The following SH2D4B variants were observed in gnomAD, a reference collection of about 807,000 sequenced individuals.
SH2D4B encodes SH2 domain containing 4B.
A neutral mutation model predicts 61.5 loss-of-function variants in SH2D4B; 45 were observed. The observed-to-expected ratio is 0.73, with a 90% CI of 0.58 to 0.94. The LOEUF (loss-of-function observed/expected upper bound fraction) is 0.94, where lower values mean the gene tolerates loss of function less well. Ranked by LOEUF, SH2D4B falls within the 40% of genes least tolerant of loss-of-function variation. The pLI, the probability that SH2D4B is intolerant of heterozygous loss-of-function variation, is 0.00. For missense variants in SH2D4B, 572 were observed against 574.2 expected, an observed-to-expected ratio of 1.00 and a Z score of 0.04; for synonymous variants, 224 against 220.4, an observed-to-expected ratio of 1.02 and a Z score of -0.14.
intron 1 of SH2D4B, among the ~76,000 whole-genome samples, chr10:80,554,685 T>C (rs1200937799): frequency 6.6e-6 from 1 of 152,158 alleles, no homozygotes; most frequent in Non-Finnish European, 1.5e-5. Flanking sequence ...ATCTGCTTTA[T>C]CTAAAGTCAA....
intron 5 of SH2D4B, among the ~76,000 whole-genome samples, 154 bp from the exon 6 acceptor site, chr10:80,609,270 C>T (rs545988220): frequency 6.6e-6 from 1 of 152,074 alleles, no homozygotes; most frequent in Non-Finnish European, 1.5e-5. Flanking sequence ...TATTCATTCT[C>T]TCATGGCCCT....
At chr10:80,610,625 G>T (rs117210248) in intron 6 of SH2D4B, among the ~76,000 whole-genome samples, 2,815 of 152,164 alleles carry the variant, frequency 0.018, 45 homozygotes, top group East Asian at 0.028. Context: ...CTCACCCAGG[G>T]ACCAAGTACA....
chr10:80,555,666 C>T (rs1201107411), intron 1 of SH2D4B, among the ~76,000 whole-genome samples: 2 of 152,200 alleles, frequency 1.3e-5, no homozygotes, highest in Non-Finnish European at 2.9e-5. Flanking sequence ...TTGCTAATAT[C>T]TCTGCTGTGA....
chr10:80,556,781 T>C (rs557749676), intron 1 of SH2D4B, among the ~76,000 whole-genome samples: 2 of 152,344 alleles, frequency 1.3e-5, no homozygotes, highest in South Asian at 4.1e-4. Flanking sequence ...CACTGATTAA[T>C]TTGAATATCT....
At chr10:80,585,162 C>A (rs531980853) in intron 3 of SH2D4B, among the ~76,000 whole-genome samples, 2 of 152,120 alleles carry the variant, frequency 1.3e-5, no homozygotes, top group East Asian at 3.9e-4. Flanking sequence ...ATTTAGGGAC[C>A]CCAAATCTCT....
At chr10:80,606,130 C>G (rs1436978129) in intron 5 of SH2D4B, among the ~76,000 whole-genome samples, 1 of 152,190 alleles carries the variant, frequency 6.6e-6, no homozygotes, top group East Asian at 1.9e-4. Context: ...GCTGTCACCT[C>G]TGTGGCGCCT....
At chr10:80,617,925 G>C (rs1162209394) in intron 6 of SH2D4B, among the ~76,000 whole-genome samples, 1 of 152,228 alleles carries the variant, frequency 6.6e-6, no homozygotes, top group Non-Finnish European at 1.5e-5. Flanking sequence ...GTTGGGTCTG[G>C]GTTGGTCATA....
chr10:80,584,278 A>T (rs1352875738), intron 3 of SH2D4B, among the ~76,000 whole-genome samples: 1 of 152,198 alleles, frequency 6.6e-6, no homozygotes, highest in Admixed American at 6.5e-5. Flanking sequence ...GATGGAGAGG[A>T]GGCTTAGGTG....
intron 6 of SH2D4B, among the ~76,000 whole-genome samples, chr10:80,626,783 T>A (rs1842771836): frequency 6.6e-6 from 1 of 152,012 alleles, no homozygotes; most frequent in Non-Finnish European, 1.5e-5. Context: ...TTTCTCAACC[T>A]CTTCCTTCTT....
At chr10:80,596,782 T>C (rs1199859938) in intron 4 of SH2D4B, among the ~76,000 whole-genome samples, 1 of 152,198 alleles carries the variant, frequency 6.6e-6, no homozygotes, top group African/African-American at 2.4e-5. Context: ...AGTTCAGTGC[T>C]GGTGCGTAGC....
chr10:80,575,648 G>A (rs1177420148), intron 3 of SH2D4B, among the ~76,000 whole-genome samples: 11 of 152,208 alleles, frequency 7.2e-5, no homozygotes, highest in Middle Eastern at 3.4e-3. Flanking sequence ...AATTAGCCAC[G>A]CCTGTAATCC....
rs76362728 is a variant in SH2D4B, at chr10:80,573,842, T to C, written c.495+2264T>C. 8.5e-3 allele frequency among the ~76,000 whole-genome samples: 1,288 copies of C among 152,308 alleles called. 12 individuals carry two copies. The highest frequency in any genetic ancestry group is 0.029 in the African/African-American group (1,222 of 41,550). ...CAGGGAAACTTGAATTATTTTGTCA[T>C]TATCTCCCACCCTCTTAACAACAAA... On this transcript the variant is annotated intron_variant, in intron 3 of 7. Coordinates refer to ENST00000646907, the MANE Select transcript of SH2D4B (RefSeq NM_001388272.1).
At chr10:80,585,774 C>T (rs191554003) in intron 3 of SH2D4B, among the ~76,000 whole-genome samples, 48 of 152,336 alleles carry the variant, frequency 3.2e-4, no homozygotes, top group African/African-American at 1.1e-3. Context: ...CCCACTTTGG[C>T]GGCACTTGAG....
In SH2D4B at chr10:80,607,732, T is replaced by C. The variant is rs368877945; in HGVS notation, c.861-1692T>C. 2.6e-5 allele frequency among the ~76,000 whole-genome samples: 4 copies of C among 152,306 alleles called. No individual in the cohort carries two copies. In the South Asian group the frequency reaches 6.2e-4, roughly 24 times the overall value. On this transcript the variant is annotated intron_variant, in intron 5 of 7. Transcript: ENST00000646907. ...AGACCACATGAGAGGACAGCTGACATTGATTTTATAAAAAACAAGGATAAC... is the reference window on the plus strand; with the variant it reads ...AGACCACATGAGAGGACAGCTGACACTGATTTTATAAAAAACAAGGATAAC...
intron 6 of SH2D4B, among the ~76,000 whole-genome samples, chr10:80,632,390 T>C (rs191813099): frequency 9.2e-5 from 14 of 152,314 alleles, no homozygotes; most frequent in Admixed American, 9.1e-4. Context: ...TAAATATATA[T>C]AATTTTTATT....
chr10:80,569,439 T>C (rs1842010825), intron 1 of SH2D4B, among the ~76,000 whole-genome samples: 1 of 151,500 alleles, frequency 6.6e-6, no homozygotes, highest in Non-Finnish European at 1.5e-5. Flanking sequence ...AAAGCAACTT[T>C]ATTTCGGAGA....
chr10:80,623,195 G>C (rs1177818751), intron 6 of SH2D4B, among the ~76,000 whole-genome samples: 1 of 152,252 alleles, frequency 6.6e-6, no homozygotes, highest in Non-Finnish European at 1.5e-5. Context: ...GATTACAGGC[G>C]TGAGCCGCCG....
intron 7 of SH2D4B, among the ~76,000 whole-genome samples, chr10:80,635,224 C>G (rs1842882932): frequency 6.6e-6 from 1 of 152,184 alleles, no homozygotes; most frequent in African/African-American, 2.4e-5. Flanking sequence ...AAGATGTTGT[C>G]TTCCAAGCAG....
chr10:80,613,684 G>T (rs544373690), intron 6 of SH2D4B, among the ~76,000 whole-genome samples: 5 of 152,348 alleles, frequency 3.3e-5, no homozygotes, highest in African/African-American at 1.2e-4. Context: ...ACAAACGGGG[G>T]ACCCCACCTG....
Sources: allele counts gnomAD v4.1 joint callset (sites outside exome capture counted in the v4.1 genomes callset), GRCh38; gene constraint gnomAD v4.1.1; transcripts MANE v1.5; gene names NCBI Gene and HGNC (gene_info 2026-07-23, HGNC 2026-07-21).